The following EIF4G3 variants were observed in gnomAD, a reference collection of about 807,000 sequenced individuals.
The protein encoded by EIF4G3 is eukaryotic translation initiation factor 4 gamma 3.
A neutral mutation model predicts 186.4 loss-of-function variants in EIF4G3; 34 were observed. The observed-to-expected ratio is 0.18, with a 90% CI of 0.14 to 0.24. The LOEUF (loss-of-function observed/expected upper bound fraction) is 0.24. Among genes scored for constraint, EIF4G3 ranks in the 10% least tolerant of loss-of-function variants. EIF4G3 has a pLI of 1.00. For synonymous variants in EIF4G3, 673 were observed against 679.5 expected (o/e 0.99, Z 0.15); for missense variants, 1,536 against 1,948.5 (o/e 0.79, Z 3.99).
At chr1:20,958,039 A>G (rs1254285385) in intron 12 of EIF4G3, among the ~76,000 whole-genome samples, 2 of 152,128 alleles carry the variant, frequency 1.3e-5, no homozygotes, top group Admixed American at 1.3e-4. Context: ...ATCCTCCCTA[A>G]ATCATTCTAT....
chr1:20,999,638 CA>C, intron 6 of EIF4G3: 1 of 397,576 alleles, frequency 2.5e-6, no homozygotes, highest in Admixed American at 3.5e-5. Context: ...TATATAAAAA[CA>C]AAAGCGAAAA....
At chr1:20,950,199 T>A (rs1002380646) in intron 12 of EIF4G3, 88 bp from the exon 13 acceptor site, 5 of 892,264 alleles carry the variant, frequency 5.6e-6, no homozygotes, top group African/African-American at 1.7e-5. Context: ...GGGAAGACAG[T>A]AGAGCACAGG....
intron 20 of EIF4G3, among the ~76,000 whole-genome samples, chr1:20,869,914 T>C (rs1008647842): frequency 6.6e-6 from 1 of 152,012 alleles, no homozygotes; most frequent in Non-Finnish European, 1.5e-5. Context: ...CCTTAGGCAA[T>C]TTAACCTGCC....
chr1:20,869,810 G>A (rs1260043766), intron 20 of EIF4G3, among the ~76,000 whole-genome samples: 26 of 135,384 alleles, frequency 1.9e-4, no homozygotes, highest in Non-Finnish European at 3.0e-4. Flanking sequence ...GAAGTAAACA[G>A]CAATATGGTA....
At chr1:20,943,977 TGTGTGTGTGTGTGTGTGTGTGTGTG>T (rs2095832182) in intron 13 of EIF4G3, among the ~76,000 whole-genome samples, 1 of 34,868 alleles carries the variant, frequency 2.9e-5, no homozygotes, top group African/African-American at 9.4e-5. Context: ...ATTTTTTTTG[TGTGTGTGTGTGTGTGTGTGTGTGTG>T]TGTGTGTGTG....
intron 34 of EIF4G3, 57 bp downstream of exon 34, chr1:20,817,335 G>T (rs2061339162): frequency 1.6e-6 from 2 of 1,236,190 alleles, no homozygotes; most frequent in East Asian, 5.7e-5. Flanking sequence ...GAATTAAGGG[G>T]ATCCCACAAG....
intron 4 of EIF4G3, among the ~76,000 whole-genome samples, chr1:21,012,290 T>A (rs1024671242): frequency 6.6e-6 from 1 of 152,096 alleles, no homozygotes; most frequent in Admixed American, 6.5e-5. Context: ...TCCATTCACA[T>A]TGCTTAGAGG....
chr1:20,895,817 C>T (rs915727961), intron 16 of EIF4G3, among the ~76,000 whole-genome samples: 1 of 152,102 alleles, frequency 6.6e-6, no homozygotes, highest in Non-Finnish European at 1.5e-5. Context: ...CAAGAAATAA[C>T]TACGTTACTG....
rs568014908 is a variant in EIF4G3 at position 21,056,994 on chromosome 1, C to G, written c.-195-6000G>C. On this transcript the variant is annotated intron_variant, in intron 3 of 36. Transcript: ENST00000602326. ...ATATGCCCGAGAAACATTTTTGCTTCTTACAGATATTATATTTTTGCATTG... is the reference window on the plus strand; with the variant it reads ...ATATGCCCGAGAAACATTTTTGCTTGTTACAGATATTATATTTTTGCATTG... 2.0e-5 allele frequency among the ~76,000 whole-genome samples: 3 copies of G among 152,264 alleles called. No homozygotes were observed. The East Asian group carries it at 5.8e-4, about 29-fold the overall frequency.
At chr1:21,063,108 C>T (rs1032755529) in intron 3 of EIF4G3, among the ~76,000 whole-genome samples, 1 of 152,094 alleles carries the variant, frequency 6.6e-6, no homozygotes, top group Non-Finnish European at 1.5e-5. Flanking sequence ...AGCTAGAATG[C>T]AGTGGCACAA....
At chr1:20,863,308 G>A (rs2076758102) in intron 22 of EIF4G3, among the ~76,000 whole-genome samples, 1 of 148,300 alleles carries the variant, frequency 6.7e-6, no homozygotes, top group African/African-American at 2.5e-5. Context: ...CAAGGCAAAA[G>A]GACTGCTTGA....
At chr1:21,021,477 T>C (rs1259660221) in intron 4 of EIF4G3, among the ~76,000 whole-genome samples, 5 of 152,144 alleles carry the variant, frequency 3.3e-5, no homozygotes, top group African/African-American at 1.2e-4. Context: ...CCAAGTGCTC[T>C]CTCCTTCAAA....
chr1:20,972,947 G>T, intron 11 of EIF4G3, 55 bp downstream of exon 11: 3 of 1,401,062 alleles, frequency 2.1e-6, no homozygotes, highest in South Asian at 1.3e-5. Context: ...AAACTTATCT[G>T]ATAAGTGAAT....
intron 3 of EIF4G3, among the ~76,000 whole-genome samples, chr1:21,057,251 G>C (rs988144199): frequency 6.6e-6 from 1 of 151,978 alleles, no homozygotes; most frequent in Non-Finnish European, 1.5e-5. Flanking sequence ...CCAAAAATTG[G>C]AAACAACCCA....
At chr1:20,985,784 C>T (rs1422766025) in intron 7 of EIF4G3, among the ~76,000 whole-genome samples, 2 of 152,138 alleles carry the variant, frequency 1.3e-5, no homozygotes, top group African/African-American at 4.8e-5. Context: ...TCTCACCATC[C>T]ACCTAAAGTC....
rs539736585 is a variant in EIF4G3, at chr1:21,020,375, A to T, written c.-66-17567T>A. Among the ~76,000 whole-genome samples, 4 of 152,246 alleles carry T rather than the reference A, an allele frequency of 2.6e-5. No individual in the cohort carries two copies. The East Asian group carries it at 7.7e-4, about 29-fold the overall frequency. On this transcript the variant is annotated intron_variant, in intron 4 of 36. Coordinates refer to ENST00000602326, the MANE Select transcript of EIF4G3 (RefSeq NM_001391906.1). ...CATGGTGGTGCATGCCTGTGGTCTG[A>T]GCTACTTGCAAGGCTGAGGTGGAAG...
intron 14 of EIF4G3, chr1:20,941,138 T>C: frequency 7.7e-7 from 1 of 1,303,400 alleles, no homozygotes; most frequent in South Asian, 1.6e-5. Flanking sequence ...CTATAGACCA[T>C]CCTGGTTTTT....
chr1:21,009,064 T>G (rs1210607453), intron 4 of EIF4G3, among the ~76,000 whole-genome samples: 1 of 152,256 alleles, frequency 6.6e-6, no homozygotes, highest in South Asian at 2.1e-4. Context: ...ACTACATAGC[T>G]ATACCAATAA....
In EIF4G3 at chr1:21,164,125, A is replaced by C. The variant is rs566657346; in HGVS notation, c.-272+12050T>G. ...ATACATTAGAATAGCCTGGGAGTAT[A>C]ACCTCATATCAATCAACAACCAATT... is the stretch of plus-strand genomic sequence containing the variant. On this transcript the variant is annotated intron_variant, in intron 2 of 36. Transcript: ENST00000602326. 2.7e-4 allele frequency among the ~76,000 whole-genome samples: 41 copies of C among 152,250 alleles called. 1 individual carries two copies. Among genetic ancestry groups the C allele is most frequent in the African/African-American group, 9.4e-4 (39 of 41,548 alleles).
Sources: allele counts gnomAD v4.1 joint callset (sites outside exome capture counted in the v4.1 genomes callset), GRCh38; gene constraint gnomAD v4.1.1; transcripts MANE v1.5; gene names NCBI Gene and HGNC (gene_info 2026-07-23, HGNC 2026-07-21).